Variants in KSR2 observed in about 807,000 individuals in gnomAD.
The protein encoded by KSR2 is kinase suppressor of ras 2.
Under a neutral mutation model 107.8 loss-of-function variants are expected in KSR2, and 25 were observed. That is an observed-to-expected ratio of 0.23 (90% CI 0.17 to 0.32). KSR2 has a LOEUF of 0.32. Among genes scored for constraint, KSR2 ranks in the 10% least tolerant of loss-of-function variants. The pLI is 1.00. For missense variants in KSR2, 887 were observed against 1,268.9 expected (o/e 0.70, Z 4.57); for synonymous variants, 480 against 507.0 (o/e 0.95, Z 0.71).
intron 3 of KSR2, among the ~76,000 whole-genome samples, chr12:117,806,353 G>A (rs1303277244): frequency 6.6e-6 from 1 of 152,096 alleles, no homozygotes; most frequent in Non-Finnish European, 1.5e-5. Flanking sequence ...TGAAGCCCAG[G>A]CAGCCAGAGT....
At chr12:117,656,141 T>C (rs2136449777) in intron 5 of KSR2, among the ~76,000 whole-genome samples, 1 of 152,328 alleles carries the variant, frequency 6.6e-6, no homozygotes, top group South Asian at 2.1e-4. Flanking sequence ...TCCTCCTTCT[T>C]TTGTTAAACA....
intron 3 of KSR2, among the ~76,000 whole-genome samples, chr12:117,818,087 C>T (rs1339016695): frequency 2.0e-5 from 3 of 150,064 alleles, no homozygotes; most frequent in African/African-American, 7.4e-5. Context: ...GGTAACAGAG[C>T]GAGACTCTGT....
At chr12:117,539,986 T>G in intron 9 of KSR2, 99 bp from the exon 10 acceptor site, 1 of 1,005,368 alleles carries the variant, frequency 9.9e-7, no homozygotes. Context: ...CCCCAGCCCC[T>G]GCAACAATTC....
chr12:117,911,174 T>TCACACACACACA (rs374154062), intron 1 of KSR2, among the ~76,000 whole-genome samples: 1 of 148,942 alleles, frequency 6.7e-6, no homozygotes, highest in Non-Finnish European at 1.5e-5. Flanking sequence ...TCTCTCTCTC[T>TCACACACACACA]CACACACACA....
chr12:117,738,748 G>A (rs563148268), intron 4 of KSR2, among the ~76,000 whole-genome samples: 3 of 152,248 alleles, frequency 2.0e-5, no homozygotes, highest in African/African-American at 4.8e-5. Flanking sequence ...GATGGCACAC[G>A]CTTGTAGTCT....
intron 14 of KSR2, among the ~76,000 whole-genome samples, chr12:117,493,361 C>G (rs770921389): frequency 6.6e-6 from 1 of 152,162 alleles, no homozygotes; most frequent in African/African-American, 2.4e-5. Flanking sequence ...GATAGAGAGT[C>G]TCCCAGTGCC....
intron 1 of KSR2, among the ~76,000 whole-genome samples, chr12:117,943,406 G>C (rs895756489): frequency 4.1e-4 from 58 of 140,408 alleles, no homozygotes; most frequent in Admixed American, 2.3e-4. Flanking sequence ...AGAAACTTCT[G>C]ACTCTAGAGA....
intron 1 of KSR2, among the ~76,000 whole-genome samples, chr12:117,965,038 G>A (rs114836758): frequency 0.016 from 2,437 of 152,284 alleles, 60 homozygotes; most frequent in African/African-American, 0.056. Context: ...CCTGGTGGTG[G>A]TCCCACTTCC....
At chr12:117,941,535 T>G (rs1383662052) in intron 1 of KSR2, among the ~76,000 whole-genome samples, 1 of 152,042 alleles carries the variant, frequency 6.6e-6, no homozygotes, top group Admixed American at 6.6e-5. Flanking sequence ...CTTTACATAT[T>G]TTTATTAAGT....
At chr12:117,755,695 C>A (rs11610938) in intron 4 of KSR2, among the ~76,000 whole-genome samples, 25,657 of 152,198 alleles carry the variant, frequency 0.17, 2,367 homozygotes, top group African/African-American at 0.21. Context: ...AATTGTACAT[C>A]TATCACTTTA....
intron 4 of KSR2, among the ~76,000 whole-genome samples, chr12:117,716,212 C>T (rs372250294): frequency 6.6e-6 from 1 of 152,206 alleles, no homozygotes; most frequent in Non-Finnish European, 1.5e-5. Flanking sequence ...TTCTCATTTG[C>T]CATTTTATCC....
intron 7 of KSR2, among the ~76,000 whole-genome samples, chr12:117,563,579 T>C (rs1027438524): frequency 1.3e-5 from 2 of 152,042 alleles, no homozygotes; most frequent in Non-Finnish European, 2.9e-5. Flanking sequence ...TGGCACACAG[T>C]AGAATCTCAA....
At chr12:117,906,799 A>G (rs11068732) in intron 1 of KSR2, among the ~76,000 whole-genome samples, 21,379 of 152,012 alleles carry the variant, frequency 0.14, 1,725 homozygotes, top group East Asian at 0.31. Context: ...TAATCCTAGC[A>G]CTTCGGGAGG....
chr12:117,851,656 C>T (rs1487621374), intron 3 of KSR2, among the ~76,000 whole-genome samples: 3 of 152,090 alleles, frequency 2.0e-5, no homozygotes, highest in Non-Finnish European at 4.4e-5. Context: ...TTTGGGAGGT[C>T]GAGCCGGATG....
chr12:117,695,096 G>A (rs1031657437), intron 4 of KSR2, among the ~76,000 whole-genome samples: 18 of 151,976 alleles, frequency 1.2e-4, no homozygotes, highest in South Asian at 4.1e-4. Flanking sequence ...TGATCTGCCC[G>A]CCTCGGCCTC....
intron 14 of KSR2, among the ~76,000 whole-genome samples, chr12:117,501,845 G>A (rs564949571): frequency 6.6e-6 from 1 of 152,336 alleles, no homozygotes; most frequent in South Asian, 2.1e-4. Context: ...CATGTTTTCT[G>A]CCTCTTCCTT....
At chr12:117,607,804 A>G (rs1454819641) in intron 5 of KSR2, among the ~76,000 whole-genome samples, 1 of 152,190 alleles carries the variant, frequency 6.6e-6, no homozygotes, top group Non-Finnish European at 1.5e-5. Context: ...AGGCCGACAG[A>G]CAGGTGTGAC....
chr12:117,685,581 G>A (rs75253885), intron 4 of KSR2, among the ~76,000 whole-genome samples: 3,220 of 152,312 alleles, frequency 0.021, 103 homozygotes, highest in African/African-American at 0.073. Context: ...GCTTCTGCCC[G>A]CATCTCCTGG....
At chr12:117,558,922 A>G (rs577639757) in intron 7 of KSR2, among the ~76,000 whole-genome samples, 1 of 152,056 alleles carries the variant, frequency 6.6e-6, no homozygotes, top group South Asian at 2.1e-4. Context: ...GAGTGGGTGG[A>G]TGGATAGACA....
Sources: allele counts gnomAD v4.1 joint callset (sites outside exome capture counted in the v4.1 genomes callset), GRCh38; gene constraint gnomAD v4.1.1; transcripts MANE v1.5; gene names NCBI Gene and HGNC (gene_info 2026-07-23, HGNC 2026-07-21).